SFMBT1: variants seen among roughly 807,000 people sequenced by gnomAD.
The protein encoded by SFMBT1 is Scm like with four mbt domains 1, also known as scm-like with four MBT domains protein 1.
In SFMBT1, 32 loss-of-function variants were observed where a neutral mutation model predicts 108.7. The ratio of observed to expected loss-of-function variants is 0.29; its 90% CI spans 0.22 to 0.40. The LOEUF (loss-of-function observed/expected upper bound fraction) is 0.40. SFMBT1 is among the 10% of genes least tolerant of loss of function. The pLI is 1.00. For synonymous variants in SFMBT1, 348 were observed against 369.5 expected (o/e 0.94, Z 0.67); for missense variants, 816 against 1,059.6 (o/e 0.77, Z 3.19).
intron 4 of SFMBT1, among the ~76,000 whole-genome samples, chr3:52,937,563 G>A (rs11713290): frequency 0.091 from 13,754 of 151,474 alleles, 639 homozygotes; most frequent in African/African-American, 0.099. Context: ...TTCCCCATAG[G>A]TAACTTTTTT....
At chr3:53,033,800 T>G (rs1575452057) in intron 1 of SFMBT1, among the ~76,000 whole-genome samples, 2 of 149,846 alleles carry the variant, frequency 1.3e-5, no homozygotes, top group African/African-American at 4.9e-5. Context: ...CCTGGCGCAG[T>G]GGCTCACGCC....
chr3:52,950,754 G>A (rs13078834), intron 3 of SFMBT1, among the ~76,000 whole-genome samples: 15 of 152,034 alleles, frequency 9.9e-5, no homozygotes, highest in Admixed American at 2.6e-4. Flanking sequence ...GATTACAGGC[G>A]TGAGCCACCG....
chr3:52,996,244 C>A (rs114031586), intron 1 of SFMBT1, among the ~76,000 whole-genome samples: 1 of 136,182 alleles, frequency 7.3e-6, no homozygotes, highest in African/African-American at 2.7e-5. Flanking sequence ...CAGGGTCTCC[C>A]TCTGGTCACT....
chr3:53,033,166 C>T lies in SFMBT1; in HGVS notation c.-131+12650G>A, dbSNP rs1377873707. Among the ~76,000 whole-genome samples, 3 of 144,240 alleles carry T rather than the reference C, an allele frequency of 2.1e-5. 1 individual carries two copies. The East Asian group carries it at 6.0e-4, about 29-fold the overall frequency. 94.6% of individuals were successfully genotyped at this position (144,240 alleles called of 152,430 possible). The stretch of plus-strand genomic sequence containing the variant: ...CTACAAAATTTTTTAATAAAATTTG[C>T]TTTTTTTTTTTTGAGATGGAGTCTT... On this transcript the variant is annotated intron_variant, in intron 1 of 20. Coordinates refer to ENST00000394752, the MANE Select transcript of SFMBT1 (RefSeq NM_016329.4).
chr3:52,932,799 T>C lies in SFMBT1; in HGVS notation c.454-491A>G, dbSNP rs573253405. On this transcript the variant is annotated intron_variant, in intron 5 of 20. Transcript: ENST00000394752. ...GGTGGTAGGCACCTGTAGTCCCAGCTACTTGAGAGGCTGAGGCAGAAGAAT... is the reference window on the plus strand; with the variant it reads ...GGTGGTAGGCACCTGTAGTCCCAGCCACTTGAGAGGCTGAGGCAGAAGAAT... Among the ~76,000 whole-genome samples, 5 of 152,218 alleles carry C rather than the reference T, an allele frequency of 3.3e-5. No individual in the cohort carries two copies. In the East Asian group the frequency reaches 9.6e-4, roughly 29 times the overall value.
chr3:53,028,198 CAACCACCT>C (rs1370175323), intron 1 of SFMBT1, among the ~76,000 whole-genome samples: 1 of 152,172 alleles, frequency 6.6e-6, no homozygotes, highest in African/African-American at 2.4e-5. Flanking sequence ...CTTCCTGCCT[CAACCACCT>C]GAGTAGCTGA....
At chr3:53,006,031 A>G (rs1698727136) in intron 1 of SFMBT1, among the ~76,000 whole-genome samples, 1 of 152,198 alleles carries the variant, frequency 6.6e-6, no homozygotes, top group African/African-American at 2.4e-5. Context: ...CTGAGCTCCA[A>G]CAAGTTTATT....
rs759464694 is a variant in SFMBT1 at position 52,905,295 on chromosome 3, C to A, written c.2461-19G>T. ...CAATTTCCTGTTAAAGCATAAAAGA[C>A]AAATTATCTGTGATGTGCACATGAA... On this transcript the variant is annotated intron_variant, in intron 20 of 20. Coordinates refer to ENST00000394752, the MANE Select transcript of SFMBT1 (RefSeq NM_016329.4). 6.2e-7 allele frequency: 1 copy of A among 1,609,954 alleles called. No individual in the cohort carries two copies.
intron 1 of SFMBT1, among the ~76,000 whole-genome samples, chr3:53,006,628 C>CA (rs145854514): frequency 0.036 from 4,597 of 126,160 alleles, 133 homozygotes; most frequent in Non-Finnish European, 0.054. Context: ...AACTCCGTCT[C>CA]AAAAAAAAAA....
At chr3:52,925,615 G>A (rs1702637329) in intron 10 of SFMBT1, among the ~76,000 whole-genome samples, 2 of 152,182 alleles carry the variant, frequency 1.3e-5, no homozygotes, top group Admixed American at 6.5e-5. Context: ...ACGGGGTAGG[G>A]CAGGGACTGC....
At chr3:53,006,286 G>C (rs1007169449) in intron 1 of SFMBT1, among the ~76,000 whole-genome samples, 5 of 152,240 alleles carry the variant, frequency 3.3e-5, no homozygotes, top group Admixed American at 1.3e-4. Context: ...GGACGGAATG[G>C]GGAGGAAGAG....
At chr3:53,022,939 A>C (rs188937860) in intron 1 of SFMBT1, among the ~76,000 whole-genome samples, 1 of 152,218 alleles carries the variant, frequency 6.6e-6, no homozygotes, top group Non-Finnish European at 1.5e-5. Context: ...TAATACCACT[A>C]AACTATACAC....
intron 15 of SFMBT1, 51 bp downstream of exon 15, chr3:52,913,427 G>GGAGA: frequency 1.9e-6 from 3 of 1,592,728 alleles, no homozygotes; most frequent in Non-Finnish European, 2.6e-6. Flanking sequence ...AATGACCATA[G>GGAGA]GAGAATGCTG....
intron 4 of SFMBT1, among the ~76,000 whole-genome samples, chr3:52,939,549 G>T (rs1703119040): frequency 6.6e-6 from 1 of 152,146 alleles, no homozygotes. Context: ...ACTCCAGCCT[G>T]GGTGACAAAG....
chr3:53,035,050 G>C (rs529250235), intron 1 of SFMBT1, among the ~76,000 whole-genome samples: 1 of 152,224 alleles, frequency 6.6e-6, no homozygotes, highest in Non-Finnish European at 1.5e-5. Flanking sequence ...CACCCTAAGC[G>C]GATGGAACAT....
At chr3:52,920,453 A>C (rs1388536748) in intron 12 of SFMBT1, 84 bp downstream of exon 12, 5 of 933,588 alleles carry the variant, frequency 5.4e-6, no homozygotes, top group Non-Finnish European at 8.4e-6. Context: ...TTTTCTCTGA[A>C]ATGTCCAGAT....
At chr3:52,951,681 G>T (rs1276027648) in intron 3 of SFMBT1, among the ~76,000 whole-genome samples, 1 of 152,098 alleles carries the variant, frequency 6.6e-6, no homozygotes, top group Non-Finnish European at 1.5e-5. Flanking sequence ...GAATAGGTTG[G>T]GCTATTTAAC....
intron 1 of SFMBT1, among the ~76,000 whole-genome samples, chr3:52,997,637 G>A (rs1174365841): frequency 6.6e-6 from 1 of 150,424 alleles, no homozygotes; most frequent in African/African-American, 2.4e-5. Context: ...TATGAAACAT[G>A]CCAGACACAA....
At position 52,921,845 on chromosome 3, in the gene SFMBT1, G is replaced by C. The variant is rs1702529125; in HGVS notation, c.1132-14C>G. 1.2e-6 allele frequency: 2 copies of C among 1,612,928 alleles called. No individual in the cohort carries two copies. The highest frequency in any genetic ancestry group is 1.7e-5 in the Admixed American group (1 of 60,000). On this transcript the variant is annotated splice_polypyrimidine_tract_variant and intron_variant, in intron 10 of 20. Coordinates refer to ENST00000394752, the MANE Select transcript of SFMBT1 (RefSeq NM_016329.4). ...TTCAGAAATTAACTAGAAAATGAATGAATCAAATCAATTTACTGGATTAAC... is the reference window on the plus strand; with the variant it reads ...TTCAGAAATTAACTAGAAAATGAATCAATCAAATCAATTTACTGGATTAAC...
Sources: allele counts gnomAD v4.1 joint callset (sites outside exome capture counted in the v4.1 genomes callset), GRCh38; gene constraint gnomAD v4.1.1; transcripts MANE v1.5; gene names NCBI Gene and HGNC (gene_info 2026-07-23, HGNC 2026-07-21).